Variants in TRIOBP observed in about 807,000 individuals in gnomAD.
TRIOBP encodes TRIO and F-actin-binding protein.
A neutral mutation model predicts 238.8 loss-of-function variants in TRIOBP; 169 were observed. The ratio of observed to expected loss-of-function variants is 0.71; its 90% CI spans 0.62 to 0.80. The LOEUF is 0.80. Among genes scored for constraint, TRIOBP ranks in the 30% least tolerant of loss-of-function variants. The pLI, the probability that TRIOBP is intolerant of heterozygous loss-of-function variation, is 0.00. For missense variants in TRIOBP, 2,838 were observed against 3,122.6 expected (o/e 0.91, Z 2.17); for synonymous variants, 1,150 against 1,274.4 (o/e 0.90, Z 2.08).
chr22:37,701,914 G>A (rs1233369184), intron 3 of TRIOBP, among the ~76,000 whole-genome samples: 1 of 152,116 alleles, frequency 6.6e-6, no homozygotes, highest in Admixed American at 6.5e-5. Flanking sequence ...GATCACCCGA[G>A]GTCGGGAGTT....
Position 37,724,968 on chromosome 22 carries a change from C to T in TRIOBP, c.2412C>T (p.Ser804=), listed in dbSNP as rs768698275. ...SCAQRDNLRA[S]SPIRATQQDN... ...CCCAGCGGGACAATCTCAGAGCCTC[C>T]TCTCCCATCAGAGCCACCCAACAGG... Residue 804 remains serine (S), a synonymous_variant, in exon 7 of 24, where the codon TCC becomes TCT. Coordinates refer to ENST00000644935, the MANE Select transcript of TRIOBP (RefSeq NM_001039141.3). 6.2e-7 allele frequency: 1 copy of T among 1,614,154 alleles called. No individual in the cohort carries two copies. Among genetic ancestry groups the T allele is most frequent in the Non-Finnish European group, 8.5e-7 (1 of 1,180,020 alleles).
At position 37,723,223 on chromosome 22, in the gene TRIOBP, G is replaced by A. The variant is rs761242494; in HGVS notation, c.667G>A (p.Ala223Thr). 3.1e-6 allele frequency: 5 copies of A among 1,613,926 alleles called. No homozygotes were observed. The highest frequency in any genetic ancestry group is 4.2e-6 in the Non-Finnish European group (5 of 1,179,910). ...GGGCCGGAGCGCAGGACAGCACTGG[G>A]CAAGGCTCCGGGGAGAAAGCGGGTT... is the stretch of plus-strand genomic sequence containing the variant. ...GGGRSAGQHWARLRGESGLSL... is the reference protein window; with the variant it reads ...GGGRSAGQHWTRLRGESGLSL... Residue 223 changes from alanine (A) to threonine (T), a missense_variant, in exon 7 of 24, where the codon GCA becomes ACA. Physicochemically the swap from Ala to Thr is moderately conservative, Grantham distance 58 (BLOSUM62 0). This residue lies in a region of TRIOBP where 535 missense variants were observed against 537.3 expected (regional missense o/e 1.00). Transcript: ENST00000644935.
intron 11 of TRIOBP, among the ~76,000 whole-genome samples, chr22:37,745,227 G>A (rs950978024): frequency 4.6e-5 from 7 of 152,108 alleles, no homozygotes; most frequent in Non-Finnish European, 7.4e-5. Context: ...ATTATTCCAA[G>A]CTTCCCTGCC....
chr22:37,760,701 G>A (rs1214137896), intron 17 of TRIOBP, among the ~76,000 whole-genome samples: 8 of 152,180 alleles, frequency 5.3e-5, no homozygotes, highest in Admixed American at 3.3e-4. Context: ...GGGGCCAGGC[G>A]CAGTGGCTCA....
intron 23 of TRIOBP, among the ~76,000 whole-genome samples, 185 bp from the exon 24 acceptor site, chr22:37,773,598 T>C (rs1926890022): frequency 1.3e-5 from 2 of 152,152 alleles, no homozygotes; most frequent in African/African-American, 4.8e-5. Flanking sequence ...ATGGACTTCC[T>C]ATGGCATGCA....
At chr22:37,717,042 G>T (rs903230672) in intron 6 of TRIOBP, among the ~76,000 whole-genome samples, 1 of 152,228 alleles carries the variant, frequency 6.6e-6, no homozygotes, top group Admixed American at 6.5e-5. Flanking sequence ...CGATATTACA[G>T]TTCTTAAAGG....
rs1016862310 is a variant in TRIOBP, at chr22:37,726,490, G to T, written c.3934G>T (p.Gly1312Trp). 2 of 1,522,228 alleles carry T rather than the reference G, an allele frequency of 1.3e-6. No homozygotes were observed. Among genetic ancestry groups the T allele is most frequent in the Admixed American group, 4.2e-5 (2 of 48,108 alleles). 94.3% of individuals were successfully genotyped at this position (1,522,228 alleles called of 1,614,324 possible). A position where few individuals can be genotyped will look rare whatever the true frequency, so the allele number is the denominator to read the frequency against. Residue 1312 changes from glycine (G) to tryptophan (W), a missense_variant, in exon 7 of 24, where the codon GGG becomes TGG. Coordinates refer to ENST00000644935, the MANE Select transcript of TRIOBP (RefSeq NM_001039141.3). ...PGRAEVERLF[G>W]QERRKSEAAG... ...CCGTGCAGAGGTGGAGCGCCTCTTC[G>T]GGCAAGAGCGCAGGTGAGCCCGGGG...
At chr22:37,742,146 A>G (rs1017845734) in intron 11 of TRIOBP, among the ~76,000 whole-genome samples, 3 of 151,578 alleles carry the variant, frequency 2.0e-5, no homozygotes, top group Non-Finnish European at 4.4e-5. Context: ...TTTAGTACAG[A>G]CAGGGTTTCA....
At chr22:37,772,108 G>A (rs1926807271) in intron 22 of TRIOBP, among the ~76,000 whole-genome samples, 1 of 152,170 alleles carries the variant, frequency 6.6e-6, no homozygotes, top group South Asian at 2.1e-4. Flanking sequence ...ACGTTGCTAG[G>A]AGTTGGGTGG....
chr22:37,772,383 C>T (rs929931813), intron 22 of TRIOBP, among the ~76,000 whole-genome samples: 3 of 152,124 alleles, frequency 2.0e-5, no homozygotes, highest in Non-Finnish European at 2.9e-5. Context: ...TCTTCTCCCC[C>T]GAAACAGGAT....
At chr22:37,738,531 C>T (rs1569048146) in intron 9 of TRIOBP, 111 bp from the exon 10 acceptor site, 9 of 997,878 alleles carry the variant, frequency 9.0e-6, no homozygotes, top group Admixed American at 2.0e-5. Flanking sequence ...TGATGCTGGA[C>T]GTTAGATGGG....
intron 6 of TRIOBP, among the ~76,000 whole-genome samples, chr22:37,722,254 C>A (rs1426994837): frequency 6.6e-6 from 1 of 152,128 alleles, no homozygotes; most frequent in Non-Finnish European, 1.5e-5. Flanking sequence ...CTCATTAGAA[C>A]CTGTCTCTAC....
Position 37,769,279 on chromosome 22 carries a change from G to C in TRIOBP, c.6753G>C (p.Leu2251=). The change falls in exon 21 of 24, where the codon CTG becomes CTC. Residue 2251 remains leucine (L), a synonymous_variant. Coordinates refer to ENST00000644935, the MANE Select transcript of TRIOBP (RefSeq NM_001039141.3). The part of the protein sequence containing the change: ...LRHNQELHGR[L]SEEIDQLRGF... Reference sequence around the variant, plus strand: ...TCTCCCAGGAGCTGCATGGCCGCCTGTCAGAGGAGATAGACCAGCTGCGCG... The same window carrying C: ...TCTCCCAGGAGCTGCATGGCCGCCTCTCAGAGGAGATAGACCAGCTGCGCG... 4 of 1,611,744 alleles carry C rather than the reference G, an allele frequency of 2.5e-6. No homozygotes were observed. The highest frequency in any genetic ancestry group is 3.4e-6 in the Non-Finnish European group (4 of 1,179,374).
At chr22:37,753,036 C>T (rs1156739312) in intron 12 of TRIOBP, among the ~76,000 whole-genome samples, 1 of 152,214 alleles carries the variant, frequency 6.6e-6, no homozygotes, top group Non-Finnish European at 1.5e-5. Context: ...GCTAAAGAAA[C>T]CTCTTGGCAT....
At chr22:37,731,003 A>G (rs1311641675) in intron 7 of TRIOBP, among the ~76,000 whole-genome samples, 1 of 151,648 alleles carries the variant, frequency 6.6e-6, no homozygotes, top group Non-Finnish European at 1.5e-5. Context: ...CCTCAAGCTC[A>G]GAAACACTTC....
intron 6 of TRIOBP, 128 bp from the exon 7 acceptor site, chr22:37,723,057 C>T (rs537683511): frequency 1.8e-5 from 16 of 880,236 alleles, no homozygotes; most frequent in Non-Finnish European, 2.3e-5. Flanking sequence ...TTGGTACAGA[C>T]AGTGAGACCT....
Position 37,710,534 on chromosome 22 carries a change from G to A in TRIOBP, c.222G>A (p.Val74=). 2 of 1,611,918 alleles carry A rather than the reference G, an allele frequency of 1.2e-6. No individual in the cohort carries two copies. Among genetic ancestry groups the A allele is most frequent in the Non-Finnish European group, 1.7e-6 (2 of 1,179,868 alleles). The change falls in exon 4 of 24, where the codon GTG becomes GTA. Residue 74 remains valine, a synonymous_variant. Coordinates refer to ENST00000644935, the MANE Select transcript of TRIOBP (RefSeq NM_001039141.3). ...CCTCAACCTCCGGCTGCCAGTCTGT[G>A]GTGGACCCAGGCCTCAGGCCAGGGC... ...LSASTSGCQS[V]VDPGLRPGPK...
chr22:37,758,667 G>A (rs1035785182), intron 16 of TRIOBP, among the ~76,000 whole-genome samples: 6 of 149,682 alleles, frequency 4.0e-5, no homozygotes, highest in South Asian at 2.1e-4. Flanking sequence ...AATAGAGCCC[G>A]ACTTTGTCTC....
chr22:37,763,458 C>T (rs56870068), intron 17 of TRIOBP, among the ~76,000 whole-genome samples: 2,179 of 152,250 alleles, frequency 0.014, 64 homozygotes, highest in African/African-American at 0.049. Context: ...TTGGCCCTCG[C>T]TCCTCCATCA....
Sources: gnomAD v4.1 joint callset for allele counts (sites outside exome capture counted in the v4.1 genomes callset) on GRCh38, gnomAD v4.1.1 for gene constraint, gnomAD v4.1.1 regional missense constraint, MANE v1.5 for transcripts, NCBI Gene and HGNC (gene_info 2026-07-23, HGNC 2026-07-21) for gene names.